Variants in ENOSF1 observed in about 807,000 individuals in gnomAD.
The protein encoded by ENOSF1 is enolase superfamily member 1, also known as mitochondrial enolase superfamily member 1.
Under a neutral mutation model 68.2 loss-of-function variants are expected in ENOSF1, and 73 were observed. The observed-to-expected ratio is 1.07, with a 90% confidence interval of 0.89 to 1.30. The LOEUF is 1.30. Ranked by LOEUF, ENOSF1 falls within the 50% of genes most tolerant of loss-of-function variation. The pLI is 0.00. For missense variants in ENOSF1, 589 were observed against 554.5 expected, an observed-to-expected ratio of 1.06 and a Z score of -0.62; for synonymous variants, 223 against 210.4, an observed-to-expected ratio of 1.06 and a Z score of -0.52.
At chr18:685,367 G>A (rs1862866687) in intron 10 of ENOSF1, among the ~76,000 whole-genome samples, 2 of 149,182 alleles carry the variant, frequency 1.3e-5, no homozygotes, top group South Asian at 4.3e-4. Context: ...AAAAAAAAAA[G>A]CAGCATTAAT....
intron 3 of ENOSF1, among the ~76,000 whole-genome samples, chr18:695,014 T>C (rs1178071247): frequency 6.6e-6 from 1 of 152,224 alleles, no homozygotes; most frequent in African/African-American, 2.4e-5. Flanking sequence ...GAATATAACA[T>C]TGATAGAATA....
intron 8 of ENOSF1, among the ~76,000 whole-genome samples, chr18:689,304 G>A (rs1598642670): frequency 6.6e-6 from 1 of 152,020 alleles, no homozygotes; most frequent in African/African-American, 2.4e-5. Flanking sequence ...TTTTTGAGAC[G>A]GACTCTTGTT....
chr18:709,161 A>G (rs2145524290), intron 1 of ENOSF1, among the ~76,000 whole-genome samples: 1 of 152,290 alleles, frequency 6.6e-6, no homozygotes, highest in Non-Finnish European at 1.5e-5. Context: ...CAGACCTATA[A>G]GTTAAGGAGG....
chr18:678,583 C>A, intron 12 of ENOSF1, 113 bp downstream of exon 12: 1 of 1,047,338 alleles, frequency 9.5e-7, no homozygotes, highest in Non-Finnish European at 1.5e-6. Flanking sequence ...GAAAATTTCC[C>A]AACTCAAAGT....
chr18:669,366 ATTTTTTTTTT>A (rs68090938), downstream of ENOSF1: 746 of 192,190 alleles, frequency 3.9e-3, no homozygotes, highest in East Asian at 0.041. Flanking sequence ...GGCCCAGAGG[ATTTTTTTTTT>A]TTTTTTTTTT....
chr18:680,218 C>T (rs557452009), intron 11 of ENOSF1, among the ~76,000 whole-genome samples: 4 of 152,322 alleles, frequency 2.6e-5, no homozygotes, highest in East Asian at 1.9e-4. Context: ...GGGCAAGCCC[C>T]GCCTGTGCCA....
intron 9 of ENOSF1, chr18:687,942 G>T (rs887984119): frequency 6.6e-6 from 1 of 152,422 alleles, no homozygotes; most frequent in Non-Finnish European, 1.5e-5. Flanking sequence ...TGAGGCAGGC[G>T]GATCACCTGA....
Position 688,375 on chromosome 18 carries a change from AT to A in ENOSF1, c.653+198del, listed in dbSNP as rs527482267. The A allele has an allele frequency of 1.4e-4, 81 of 588,146 alleles. No individual in the cohort carries two copies. In the African/African-American group the frequency reaches 1.4e-3, roughly 10 times the overall value. The allele number at this position is 588,146 out of a possible 1,614,324, so 36.4% of individuals were successfully genotyped here. On this transcript the variant is annotated intron_variant, in intron 9 of 15. Coordinates refer to ENST00000647584, the MANE Select transcript of ENOSF1 (RefSeq NM_017512.7). Reference sequence around the variant, plus strand: ...AAGCCTCTTTCAACTCTGATGGCCTATAATTCTAATGAGGACTCACATCCTG... The same window carrying A: ...AAGCCTCTTTCAACTCTGATGGCCTAAATTCTAATGAGGACTCACATCCTG...
chr18:694,165 G>A, intron 4 of ENOSF1, 83 bp downstream of exon 4: 2 of 1,375,544 alleles, frequency 1.5e-6, no homozygotes, highest in Non-Finnish European at 2.0e-6. Flanking sequence ...GGGCTGCAGT[G>A]TGTCTGTCTT....
At chr18:677,577 A>G in intron 13 of ENOSF1, 133 bp from the exon 14 acceptor site, 1 of 1,288,878 alleles carries the variant, frequency 7.8e-7, no homozygotes, top group Non-Finnish European at 1.1e-6. Flanking sequence ...GGAAATTCCA[A>G]GATGAAAATC....
At chr18:700,482 C>T (rs1568116340) in intron 2 of ENOSF1, among the ~76,000 whole-genome samples, 2 of 152,214 alleles carry the variant, frequency 1.3e-5, no homozygotes, top group African/African-American at 4.8e-5. Context: ...TAAGGATGAT[C>T]TCATTTTTAT....
chr18:688,528 C>G, intron 9 of ENOSF1, 46 bp downstream of exon 9: 1 of 1,613,672 alleles, frequency 6.2e-7, no homozygotes, highest in Non-Finnish European at 8.5e-7. Flanking sequence ...CTGCCTGAGT[C>G]TCTCCTGCCG....
At chr18:685,822 T>C in intron 10 of ENOSF1, 99 bp downstream of exon 10, 4 of 1,007,730 alleles carry the variant, frequency 4.0e-6, no homozygotes, top group Non-Finnish European at 6.3e-6. Context: ...CCTCTGACAA[T>C]TAACTTTTTA....
chr18:703,573 C>CT (rs1025765978), intron 2 of ENOSF1, among the ~76,000 whole-genome samples: 12 of 152,182 alleles, frequency 7.9e-5, no homozygotes, highest in Non-Finnish European at 1.5e-4. Flanking sequence ...CTGGGGAAAA[C>CT]TTTAACAGTA....
At position 673,126 on chromosome 18, in the gene ENOSF1, A is replaced by T; in HGVS notation, c.*1179T>A. Reference sequence around the variant, plus strand: ...AAAATCTGTCCGTGACCTATCAGTTATTAATTTTTAAGGATGTTGCCACTG... The same window carrying T: ...AAAATCTGTCCGTGACCTATCAGTTTTTAATTTTTAAGGATGTTGCCACTG... On this transcript the variant is annotated 3_prime_UTR_variant, in exon 16 of 16. Transcript: ENST00000647584. The T allele has an allele frequency of 9.4e-7, 1 of 1,065,382 alleles. No individual in the cohort carries two copies. 66.0% of individuals were successfully genotyped at this position (1,065,382 alleles called of 1,614,324 possible). A position where few individuals can be genotyped will look rare whatever the true frequency, so the allele number is the denominator to read the frequency against.
intron 12 of ENOSF1, 51 bp downstream of exon 12, chr18:678,645 C>T (rs765759613): frequency 1.7e-5 from 26 of 1,565,590 alleles, no homozygotes; most frequent in South Asian, 1.0e-4. Flanking sequence ...CACTGGTCAG[C>T]GTGTACTGAC....
intron 11 of ENOSF1, among the ~76,000 whole-genome samples, chr18:681,308 C>T (rs534687406): frequency 1.5e-3 from 226 of 152,336 alleles, no homozygotes; most frequent in Middle Eastern, 6.8e-3. Context: ...CCACTGCCCC[C>T]GCCTGGACCT....
At chr18:666,945 TGATGGTGATGGA>T (rs1169495660), downstream of ENOSF1, among the ~76,000 whole-genome samples, 57 of 28,024 alleles carry the variant, frequency 2.0e-3, 11 homozygotes, top group South Asian at 0.015. Context: ...ATGGAGATGG[TGATGGTGATGGA>T]GATGGAGATG....
intron 4 of ENOSF1, 27 bp from the exon 5 acceptor site, chr18:693,935 A>C (rs1377653651): frequency 6.2e-7 from 1 of 1,613,488 alleles, no homozygotes; most frequent in Non-Finnish European, 8.5e-7. Flanking sequence ...AAGGATTTGT[A>C]AGACATATGT....
Sources: allele counts gnomAD v4.1 joint callset (sites outside exome capture counted in the v4.1 genomes callset), GRCh38; gene constraint gnomAD v4.1.1; transcripts MANE v1.5; gene names NCBI Gene and HGNC (gene_info 2026-07-23, HGNC 2026-07-21).